Variants in FAM149A observed in about 807,000 individuals in gnomAD.
FAM149A encodes family with sequence similarity 149 member A, also known as protein FAM149A.
FAM149A carries 71 observed loss-of-function variants against 78.2 expected under a neutral mutation model. The observed-to-expected ratio is 0.91, with a 90% confidence interval of 0.75 to 1.11. FAM149A has a LOEUF of 1.11. Among genes scored for constraint, FAM149A ranks in the 50% least tolerant of loss-of-function variants. The pLI is 0.00. For synonymous variants in FAM149A, 446 were observed against 410.5 expected, an observed-to-expected ratio of 1.09 and a Z score of -1.04; for missense variants, 1,036 against 971.0, an observed-to-expected ratio of 1.07 and a Z score of -0.89.
At chr4:186,166,883 T>C (rs914148037) in intron 11 of FAM149A, 85 bp from the exon 12 acceptor site, 26 of 1,367,026 alleles carry the variant, frequency 1.9e-5, no homozygotes, top group Non-Finnish European at 2.6e-5. Context: ...AATAGATGAG[T>C]GAACGATTGA....
intron 1 of FAM149A, chr4:186,132,393 A>G (rs1023166101): frequency 4.2e-6 from 1 of 238,568 alleles, no homozygotes; most frequent in African/African-American, 2.3e-5. Flanking sequence ...CTATTTGTCT[A>G]TGGGATTGTT....
chr4:186,135,160 A>G (rs145603027), intron 1 of FAM149A, among the ~76,000 whole-genome samples: 6 of 152,294 alleles, frequency 3.9e-5, no homozygotes, highest in Non-Finnish European at 7.4e-5. Context: ...TTTGAGAACC[A>G]CTGAATTCAA....
chr4:186,152,559 T>TTTTTTTTTTA, intron 4 of FAM149A, among the ~76,000 whole-genome samples: 1 of 137,864 alleles, frequency 7.3e-6, no homozygotes, highest in African/African-American at 2.7e-5. Flanking sequence ...TTTTTTTTTT[T>TTTTTTTTTTA]TTTGAGATGG....
chr4:186,153,413 A>G, intron 4 of FAM149A: 1 of 985,264 alleles, frequency 1.0e-6, no homozygotes, highest in Non-Finnish European at 1.2e-6. Context: ...TGCAAATGAA[A>G]GACAAACAAA....
At chr4:186,132,264 T>G (rs1038277275) in intron 1 of FAM149A, 1 of 951,108 alleles carries the variant, frequency 1.1e-6, no homozygotes, top group Non-Finnish European at 1.3e-6. Flanking sequence ...CAAATTTAGT[T>G]CAAAAATCTC....
At chr4:186,108,870 C>T (rs1209870960) in intron 1 of FAM149A, among the ~76,000 whole-genome samples, 5 of 145,940 alleles carry the variant, frequency 3.4e-5, no homozygotes, top group African/African-American at 5.1e-5. Context: ...TTTTTTGAGA[C>T]GGAGTCTTGC....
chr4:186,150,195 C>G (rs1259863955), intron 3 of FAM149A, among the ~76,000 whole-genome samples: 3 of 152,074 alleles, frequency 2.0e-5, no homozygotes, highest in Admixed American at 6.5e-5. Context: ...TGGGCGAGCT[C>G]TGCCTCCACT....
chr4:186,139,828 G>A (rs972451345), intron 1 of FAM149A, among the ~76,000 whole-genome samples: 1 of 152,188 alleles, frequency 6.6e-6, no homozygotes, highest in Non-Finnish European at 1.5e-5. Context: ...TGCAAAGCAA[G>A]GCCACAGTTC....
At chr4:186,110,171 A>G (rs892923789) in intron 1 of FAM149A, 14 of 985,336 alleles carry the variant, frequency 1.4e-5, no homozygotes, top group Non-Finnish European at 1.6e-5. Context: ...ATGGATGAAG[A>G]AAATATTTTC....
At chr4:186,122,347 A>C (rs2099316443) in intron 1 of FAM149A, among the ~76,000 whole-genome samples, 1 of 152,256 alleles carries the variant, frequency 6.6e-6, no homozygotes, top group African/African-American at 2.4e-5. Context: ...TTAAAAATAT[A>C]GCTATAGAAG....
intron 1 of FAM149A, chr4:186,110,041 C>T (rs528837286): frequency 1.5e-4 from 149 of 985,264 alleles, no homozygotes; most frequent in Non-Finnish European, 1.8e-4. Flanking sequence ...GTCTTTTCCT[C>T]CACTGAAACC....
chr4:186,163,700 T>C, intron 10 of FAM149A, 67 bp downstream of exon 10: 1 of 1,159,004 alleles, frequency 8.6e-7, no homozygotes, highest in Non-Finnish European at 1.3e-6. Flanking sequence ...CAGTTAGGGT[T>C]TATGGATCAT....
chr4:186,149,828 T>C (rs1268581335), intron 3 of FAM149A, 124 bp downstream of exon 3: 2 of 541,878 alleles, frequency 3.7e-6, no homozygotes, highest in Non-Finnish European at 5.5e-6. Flanking sequence ...TACATGTACA[T>C]ACATGTAAAA....
chr4:186,167,579 A>C (rs1321470942), intron 13 of FAM149A: 1 of 359,480 alleles, frequency 2.8e-6, no homozygotes, highest in African/African-American at 2.1e-5. Flanking sequence ...TAGCGTTTTC[A>C]TGCTCTATTT....
At chr4:186,165,305 A>T in intron 10 of FAM149A, 39 bp from the exon 11 acceptor site, 1 of 1,613,024 alleles carries the variant, frequency 6.2e-7, no homozygotes, top group Non-Finnish European at 8.5e-7. Flanking sequence ...CCAGTTATCC[A>T]TGTACCTGGG....
At position 186,118,327 on chromosome 4, in the gene FAM149A, G is replaced by T. The variant is rs76749957; in HGVS notation, c.566+12685G>T. Reference sequence around the variant, plus strand: ...GTGTGCCATTAGCTACCTGCTTGCAGTTACCAGGTAGCTACTTGTTCCCTG... The same window carrying T: ...GTGTGCCATTAGCTACCTGCTTGCATTTACCAGGTAGCTACTTGTTCCCTG... On this transcript the variant is annotated intron_variant, in intron 1 of 13. Coordinates refer to ENST00000389354, the MANE Select transcript of FAM149A (RefSeq NM_001367768.3). 34 of 734,712 alleles carry T rather than the reference G, an allele frequency of 4.6e-5. No homozygotes were observed. The African/African-American group carries it at 5.7e-4, about 12-fold the overall frequency. 45.5% of individuals were successfully genotyped at this position (734,712 alleles called of 1,614,324 possible).
At position 186,144,814 on chromosome 4, in the gene FAM149A, A is replaced by T; in HGVS notation, c.567-4359A>T. ...GCGAGGGCGCAGCGCAGGGAGGAGG[A>T]GGGGAGGCGGCGCCGGCGCGGGCGG... On this transcript the variant is annotated intron_variant, in intron 1 of 13. Transcript: ENST00000389354. The surrounding 1 kb of genome is among the most constrained non-coding windows in gnomAD (Gnocchi z 4.2). 1 of 976,644 alleles carries T rather than the reference A, an allele frequency of 1.0e-6. No individual in the cohort carries two copies. The highest frequency in any genetic ancestry group is 1.2e-6 in the Non-Finnish European group (1 of 826,122). The allele number at this position is 976,644 out of a possible 1,614,324, so 60.5% of individuals were successfully genotyped here.
In FAM149A at chr4:186,156,176, A is replaced by G. The variant is rs1734020426; in HGVS notation, c.1406A>G (p.Glu469Gly). Reference sequence around the variant, plus strand: ...GAAGAGCTGATTAGAAAACACTGGGAAACTACACTCACAGGTACTTACATG... The same window carrying G: ...GAAGAGCTGATTAGAAAACACTGGGGAACTACACTCACAGGTACTTACATG... Residue 469 changes from glutamate (E) to glycine (G), a missense_variant, in exon 7 of 14, where the codon GAA (glutamate) becomes GGA (glycine). By Grantham distance (98) the Glu-to-Gly change is moderately conservative. Transcript: ENST00000389354. The G allele has an allele frequency of 1.9e-6, 3 of 1,612,682 alleles. No homozygotes were observed. Among genetic ancestry groups the G allele is most frequent in the Non-Finnish European group, 2.5e-6 (3 of 1,179,476 alleles).
rs1175940796 is a variant in FAM149A, at chr4:186,173,162, TAATA to T, written c.*1179_*1182del. Among the ~76,000 whole-genome samples the T allele has an allele frequency of 8.9e-6, 1 of 112,504 alleles. No individual in the cohort carries two copies. The highest frequency in any genetic ancestry group is 2.2e-4 in the East Asian group (1 of 4,500). The allele number at this position is 112,504 out of a possible 152,430, so 73.8% of individuals were successfully genotyped here. On this transcript the variant is annotated 3_prime_UTR_variant, in exon 14 of 14. Transcript: ENST00000389354. ...CACATATATGTATCATATAAATGCA[TAATA>T]AATTACTTTCAGACTATTTCTGGCT...
Sources: gnomAD v4.1 joint callset for allele counts (sites outside exome capture counted in the v4.1 genomes callset) on GRCh38, gnomAD v4.1.1 for gene constraint, Gnocchi (gnomAD v3.1) non-coding constraint, MANE v1.5 for transcripts, NCBI Gene and HGNC (gene_info 2026-07-23, HGNC 2026-07-21) for gene names.